CDH7: variants seen among roughly 807,000 people sequenced by gnomAD.
CDH7 encodes the protein cadherin-7.
Under a neutral mutation model 71.8 loss-of-function variants are expected in CDH7, and 25 were observed. The ratio of observed to expected loss-of-function variants is 0.35; its 90% confidence interval spans 0.25 to 0.49. The LOEUF is 0.49. Among genes scored for constraint, CDH7 ranks in the 20% least tolerant of loss-of-function variants. CDH7 has a pLI of 0.99. For missense variants in CDH7, 862 were observed against 974.6 expected (o/e 0.88, Z 1.54); for synonymous variants, 381 against 363.8 (o/e 1.05, Z -0.54).
chr18:65,842,473 CAT>C (rs1220478746), intron 6 of CDH7, among the ~76,000 whole-genome samples: 1 of 151,520 alleles, frequency 6.6e-6, no homozygotes, highest in Non-Finnish European at 1.5e-5. Context: ...TATATATACA[CAT>C]ATGTAATGTG....
At position 65,809,794 on chromosome 18, in the gene CDH7, A is replaced by G; in HGVS notation, c.301A>G (p.Thr101Ala). The G allele has an allele frequency of 6.2e-7, 1 of 1,614,096 alleles. No individual in the cohort carries two copies. Among genetic ancestry groups the G allele is most frequent in the Non-Finnish European group, 8.5e-7 (1 of 1,179,960 alleles). ...ASSIFIIDEN[T>A]GDIHATKRLD... The stretch of plus-strand genomic sequence containing the variant: ...TTCCATTTTCATTATTGATGAGAAC[A>G]CTGGGGATATTCATGCCACCAAGAG... Residue 101 changes from threonine to alanine, a missense_variant, in exon 3 of 12, where the codon ACT (threonine) becomes GCT (alanine). Transcript: ENST00000397968.
chr18:65,867,931 C>T (rs1054480506), intron 11 of CDH7, among the ~76,000 whole-genome samples: 2 of 152,350 alleles, frequency 1.3e-5, no homozygotes, highest in Middle Eastern at 3.4e-3. Context: ...CATCTTTTCA[C>T]TTTTCTTCCC....
chr18:65,873,797 A>G (rs1457872090), intron 11 of CDH7, among the ~76,000 whole-genome samples: 1 of 152,184 alleles, frequency 6.6e-6, no homozygotes, highest in Non-Finnish European at 1.5e-5. Flanking sequence ...CACATTTCAA[A>G]TGTCATCTCT....
chr18:65,879,219 T>A (rs1487475710), intron 11 of CDH7, among the ~76,000 whole-genome samples: 1 of 152,192 alleles, frequency 6.6e-6, no homozygotes, highest in Non-Finnish European at 1.5e-5. Flanking sequence ...TTTATATTTT[T>A]ATTTTCAAAA....
chr18:65,826,243 A>G (rs988409137), intron 6 of CDH7, among the ~76,000 whole-genome samples: 1 of 89,334 alleles, frequency 1.1e-5, no homozygotes, highest in Non-Finnish European at 2.8e-5. Flanking sequence ...ATTCTAACTT[A>G]TAACAATAGA....
intron 1 of CDH7, among the ~76,000 whole-genome samples, chr18:65,752,954 C>A (rs149358681): frequency 6.6e-6 from 1 of 152,200 alleles, no homozygotes; most frequent in Admixed American, 6.5e-5. Flanking sequence ...TACAGACTCA[C>A]AAGTCTTCTT....
intron 2 of CDH7, among the ~76,000 whole-genome samples, chr18:65,770,747 A>T (rs1193701783): frequency 3.3e-5 from 5 of 152,198 alleles, no homozygotes; most frequent in Non-Finnish European, 7.4e-5. Context: ...GGCATATCAG[A>T]AGTCTACATT....
chr18:65,872,045 A>G (rs1913942060), intron 11 of CDH7, among the ~76,000 whole-genome samples: 1 of 152,154 alleles, frequency 6.6e-6, no homozygotes, highest in Admixed American at 6.6e-5. Flanking sequence ...CTTCTTAGAA[A>G]AGAGTGGCTA....
intron 2 of CDH7, 53 bp from the exon 3 acceptor site, chr18:65,809,651 A>C: frequency 7.0e-7 from 1 of 1,434,016 alleles, no homozygotes; most frequent in Non-Finnish European, 9.7e-7. Context: ...ACATATCTCC[A>C]TATCACTGAC....
intron 7 of CDH7, among the ~76,000 whole-genome samples, chr18:65,852,672 TA>T (rs2144015465): frequency 6.6e-6 from 1 of 152,244 alleles, no homozygotes; most frequent in South Asian, 2.1e-4. Flanking sequence ...AACTTAGATA[TA>T]AAGACATCAC....
intron 7 of CDH7, among the ~76,000 whole-genome samples, chr18:65,845,092 A>G (rs1010940626): frequency 2.0e-5 from 3 of 150,792 alleles, no homozygotes; most frequent in African/African-American, 5.0e-5. Context: ...TTGATTTTAA[A>G]AAGCCGATAA....
intron 1 of CDH7, among the ~76,000 whole-genome samples, chr18:65,758,834 C>A (rs1916106793): frequency 6.6e-6 from 1 of 152,154 alleles, no homozygotes; most frequent in Admixed American, 6.5e-5. Flanking sequence ...TGAAAATGAG[C>A]ATTATGTAAA....
At chr18:65,819,258 G>C (rs1031956036) in intron 4 of CDH7, among the ~76,000 whole-genome samples, 1 of 152,050 alleles carries the variant, frequency 6.6e-6, no homozygotes, top group Non-Finnish European at 1.5e-5. Flanking sequence ...CCCACTCCTC[G>C]ATTTGCATGT....
At chr18:65,757,815 A>T (rs1916075740) in intron 1 of CDH7, among the ~76,000 whole-genome samples, 2 of 151,874 alleles carry the variant, frequency 1.3e-5, no homozygotes, top group Admixed American at 6.6e-5. Context: ...CACTTTTTAA[A>T]GAACTAGTAA....
At chr18:65,875,334 C>T (rs1222980171) in intron 11 of CDH7, among the ~76,000 whole-genome samples, 1 of 152,058 alleles carries the variant, frequency 6.6e-6, no homozygotes, top group Admixed American at 6.5e-5. Context: ...TGGTTAGGAC[C>T]ACAGGACTTG....
In CDH7 at chr18:65,887,945, A is replaced by C. The variant is rs773853851; in HGVS notation, c.*7051A>C. Reference sequence around the variant, plus strand: ...ACATTAAAAAGAAAACCACTTTTATAATATTTTTGCTTATGTAAGAGTCAC... The same window carrying C: ...ACATTAAAAAGAAAACCACTTTTATCATATTTTTGCTTATGTAAGAGTCAC... On this transcript the variant is annotated 3_prime_UTR_variant, in exon 12 of 12. Transcript: ENST00000397968. 5.3e-5 allele frequency: 8 copies of C among 152,182 alleles called. No homozygotes were observed. Among genetic ancestry groups the C allele is most frequent in the Admixed American group, 2.0e-4 (3 of 15,270 alleles). 9.4% of individuals were successfully genotyped at this position (152,182 alleles called of 1,614,324 possible).
chr18:65,774,990 C>A (rs2143814977), intron 2 of CDH7, among the ~76,000 whole-genome samples: 1 of 152,166 alleles, frequency 6.6e-6, no homozygotes, highest in Admixed American at 6.6e-5. Flanking sequence ...CAGTTTGTTT[C>A]CTGATAAGTA....
chr18:65,849,400 TTTTCTTTTCTTTTCTTTTCTTTTC>T (rs1913062257), intron 7 of CDH7, among the ~76,000 whole-genome samples: 7 of 123,290 alleles, frequency 5.7e-5, no homozygotes, highest in African/African-American at 2.5e-4. Context: ...TTTTCTTTTC[TTTTCTTTTCTTTTCTTTTCTTTTC>T]TTTCTTTTCT....
intron 2 of CDH7, among the ~76,000 whole-genome samples, chr18:65,806,360 A>G (rs1356648840): frequency 6.6e-6 from 1 of 151,894 alleles, no homozygotes; most frequent in Non-Finnish European, 1.5e-5. Context: ...TTAGGAACCC[A>G]GGCAGTAAAG....
Sources: allele counts gnomAD v4.1 joint callset (sites outside exome capture counted in the v4.1 genomes callset), GRCh38; gene constraint gnomAD v4.1.1; transcripts MANE v1.5; gene names NCBI Gene and HGNC (gene_info 2026-07-23, HGNC 2026-07-21).